The following RBFOX1 variants were observed in gnomAD, a reference collection of about 807,000 sequenced individuals.
RBFOX1 encodes RNA binding fox-1 homolog 1, also known as RNA binding protein fox-1 homolog 1.
RBFOX1 carries 8 observed loss-of-function variants against 57.7 expected under a neutral mutation model. The observed-to-expected ratio is 0.14, with a 90% CI of 0.08 to 0.25. The LOEUF (loss-of-function observed/expected upper bound fraction) is 0.25. RBFOX1 is among the 10% of genes least tolerant of loss of function. The pLI, the probability that RBFOX1 is intolerant of heterozygous loss-of-function variation, is 1.00. For synonymous variants in RBFOX1, 326 were observed against 222.4 expected (o/e 1.47, Z -4.15); for missense variants, 611 against 548.5 (o/e 1.11, Z -1.14).
Position 7,710,937 on chromosome 16 carries a change from GTC to G in RBFOX1, c.*194_*195del, listed in dbSNP as rs2083916924. On this transcript the variant is annotated 3_prime_UTR_variant, in exon 16 of 16. Coordinates refer to ENST00000550418, the MANE Select transcript of RBFOX1 (RefSeq NM_018723.4). ...TGTTCTGTGTATTTTAATATTGTGG[GTC>G]TTTAATTTCTGAAGGTTCCGTAGTT... is the stretch of plus-strand genomic sequence containing the variant. The G allele has an allele frequency of 3.0e-6, 2 of 670,254 alleles. No homozygotes were observed. The highest frequency in any genetic ancestry group is 7.0e-5 in the East Asian group (2 of 28,708). 41.5% of individuals were successfully genotyped at this position (670,254 alleles called of 1,614,324 possible). A position where few individuals can be genotyped will look rare whatever the true frequency, so the allele number is the denominator to read the frequency against.
chr16:5,883,494 G>T (rs558738101), intron 4 of RBFOX1, among the ~76,000 whole-genome samples: 41 of 146,826 alleles, frequency 2.8e-4, no homozygotes, highest in Admixed American at 1.4e-4. Flanking sequence ...TGTCTCGGAG[G>T]AACCTGCAAT....
chr16:5,582,486 C>T (rs1045337768), intron 2 of RBFOX1, among the ~76,000 whole-genome samples: 3 of 151,940 alleles, frequency 2.0e-5, no homozygotes, highest in Non-Finnish European at 2.9e-5. Context: ...TTAAACAGCC[C>T]TCCAAGGTCA....
chr16:6,024,691 G>A (rs1226483525), intron 1 of RBFOX1, among the ~76,000 whole-genome samples: 1 of 152,086 alleles, frequency 6.6e-6, no homozygotes, highest in African/African-American at 2.4e-5. Context: ...GTTTCCCCAT[G>A]ACTGGTCTTA....
rs541177977 is a variant in RBFOX1 at position 6,843,559 on chromosome 16, G to T, written c.-16+188909G>T. ...AAAAAATTATCTAGGCATGGTGGCG[G>T]GCACCTGTAGTCCCAGCTACTCAGG... On this transcript the variant is annotated intron_variant, in intron 3 of 15. Transcript: ENST00000550418. Among the ~76,000 whole-genome samples, 204 of 152,120 alleles carry T rather than the reference G, an allele frequency of 1.3e-3. 3 individuals carry two copies. Among genetic ancestry groups the T allele is most frequent in the Non-Finnish European group, 4.9e-4 (33 of 67,992 alleles).
intron 14 of RBFOX1, among the ~76,000 whole-genome samples, chr16:7,689,891 G>C (rs2147314568): frequency 6.6e-6 from 1 of 152,192 alleles, no homozygotes; most frequent in East Asian, 1.9e-4. Context: ...CTAGAAACTA[G>C]AAGTACCCTT....
At chr16:5,548,489 A>C (rs2045327288) in intron 2 of RBFOX1, among the ~76,000 whole-genome samples, 1 of 152,082 alleles carries the variant, frequency 6.6e-6, no homozygotes, top group Non-Finnish European at 1.5e-5. Flanking sequence ...TGTAGATTTA[A>C]GTATAACGTA....
chr16:5,896,461 C>T (rs559676496), intron 4 of RBFOX1, among the ~76,000 whole-genome samples: 46 of 152,300 alleles, frequency 3.0e-4, no homozygotes, highest in African/African-American at 1.1e-3. Context: ...TGCTTCCTCT[C>T]TTGCCATGGC....
At chr16:5,775,583 C>T (rs1197276090) in intron 3 of RBFOX1, among the ~76,000 whole-genome samples, 5 of 152,210 alleles carry the variant, frequency 3.3e-5, no homozygotes, top group African/African-American at 1.2e-4. Context: ...TCTCAATGCT[C>T]AGGTGGCCTG....
intron 3 of RBFOX1, among the ~76,000 whole-genome samples, chr16:5,836,992 A>T (rs1008760938): frequency 6.6e-6 from 1 of 152,192 alleles, no homozygotes; most frequent in African/African-American, 2.4e-5. Flanking sequence ...GGGTCATGTG[A>T]TAGTCTTCCC....
chr16:6,770,833 A>G (rs988729311), intron 3 of RBFOX1, among the ~76,000 whole-genome samples: 32 of 152,132 alleles, frequency 2.1e-4, no homozygotes, highest in African/African-American at 7.0e-4. Context: ...GAGAGAGCCC[A>G]TTTCTAAATA....
intron 3 of RBFOX1, among the ~76,000 whole-genome samples, chr16:6,841,459 C>G (rs1313330918): frequency 6.6e-6 from 1 of 152,102 alleles, no homozygotes; most frequent in Non-Finnish European, 1.5e-5. Flanking sequence ...CAATAAAACC[C>G]TCATGCAACC....
chr16:5,320,975 C>A (rs983942626), intron 1 of RBFOX1, among the ~76,000 whole-genome samples: 3 of 152,200 alleles, frequency 2.0e-5, no homozygotes, highest in African/African-American at 7.2e-5. Context: ...TGTCCTGGGG[C>A]TCTTCTGTCT....
rs1174725818 is a variant in RBFOX1 at position 7,711,601 on chromosome 16, TTTTC to T, written c.*860_*863del. ...TGATAAAAAAGCACTGTTTCTATTTTTTTCTTTTTTTCCAAAAAAAGAAAGTAAT... is the reference window on the plus strand; with the variant it reads ...TGATAAAAAAGCACTGTTTCTATTTTTTTTTTTCCAAAAAAAGAAAGTAAT... On this transcript the variant is annotated 3_prime_UTR_variant, in exon 16 of 16. Transcript: ENST00000550418. 4 of 152,604 alleles carry T rather than the reference TTTTC, an allele frequency of 2.6e-5. No homozygotes were observed. Among genetic ancestry groups the T allele is most frequent in the African/African-American group, 7.2e-5 (3 of 41,448 alleles). The allele number at this position is 152,604 out of a possible 1,614,324, so 9.5% of individuals were successfully genotyped here.
chr16:6,918,271 G>C (rs965455185), intron 3 of RBFOX1, among the ~76,000 whole-genome samples: 10 of 137,478 alleles, frequency 7.3e-5, no homozygotes, highest in African/African-American at 2.8e-4. Flanking sequence ...GACAGAGCAA[G>C]ACTCCATCTC....
chr16:6,512,022 G>A (rs181600231), intron 2 of RBFOX1, among the ~76,000 whole-genome samples: 35 of 151,936 alleles, frequency 2.3e-4, no homozygotes, highest in Admixed American at 7.9e-4. Flanking sequence ...TGTAATCCAA[G>A]CCCTCTGAGA....
intron 4 of RBFOX1, among the ~76,000 whole-genome samples, chr16:7,355,713 G>A (rs1442490916): frequency 2.0e-5 from 3 of 152,126 alleles, no homozygotes; most frequent in African/African-American, 7.2e-5. Context: ...TCAGCAAATG[G>A]CTTTGCCAAT....
At chr16:7,089,086 C>G (rs938370525) in intron 4 of RBFOX1, among the ~76,000 whole-genome samples, 3 of 152,142 alleles carry the variant, frequency 2.0e-5, no homozygotes, top group African/African-American at 4.8e-5. Flanking sequence ...CACCCTTGCC[C>G]CCTTTCTTTG....
intron 2 of RBFOX1, among the ~76,000 whole-genome samples, chr16:6,475,047 C>T (rs1464572773): frequency 6.6e-6 from 1 of 152,126 alleles, no homozygotes; most frequent in African/African-American, 2.4e-5. Context: ...ACAGTAACAT[C>T]CCAATTGTGT....
At chr16:7,021,459 T>G (rs564350171) in intron 3 of RBFOX1, among the ~76,000 whole-genome samples, 14 of 146,112 alleles carry the variant, frequency 9.6e-5, no homozygotes, top group South Asian at 2.1e-4. Flanking sequence ...GTATTAATTT[T>G]TAATATAATT....
Sources: gnomAD v4.1 joint callset for allele counts (sites outside exome capture counted in the v4.1 genomes callset) on GRCh38, gnomAD v4.1.1 for gene constraint, MANE v1.5 for transcripts, NCBI Gene and HGNC (gene_info 2026-07-23, HGNC 2026-07-21) for gene names.